The following EXOC6 variants were observed in gnomAD, a reference collection of about 807,000 sequenced individuals.
EXOC6 encodes exocyst complex component 6.
In EXOC6, 60 loss-of-function variants were observed where a neutral mutation model predicts 112.5. That is an observed-to-expected ratio of 0.53 (90% CI 0.43 to 0.66). EXOC6 has a LOEUF of 0.66. Ranked by LOEUF, EXOC6 falls within the 30% of genes least tolerant of loss-of-function variation. EXOC6 has a pLI of 0.00. For missense variants in EXOC6, 855 were observed against 957.1 expected (o/e 0.89, Z 1.41); for synonymous variants, 295 against 308.0 (o/e 0.96, Z 0.44).
chr10:93,053,162 C>T (rs1164284747), intron 20 of EXOC6, among the ~76,000 whole-genome samples: 1 of 152,146 alleles, frequency 6.6e-6, no homozygotes, highest in Non-Finnish European at 1.5e-5. Flanking sequence ...GGCAACACCC[C>T]AGTTTCCCCT....
At chr10:92,900,706 C>G (rs1418603418) in intron 5 of EXOC6, 2 of 149,960 alleles carry the variant, frequency 1.3e-5, no homozygotes, top group East Asian at 3.9e-4. Context: ...TCCCATTCAC[C>G]ATTCCTTCTT....
At chr10:92,848,354 C>G (rs1018723049), upstream of EXOC6, 6 of 234,686 alleles carry the variant, frequency 2.6e-5, no homozygotes, top group African/African-American at 1.4e-4. Context: ...CCCGCTCACT[C>G]CTGCAGGTGC....
Position 93,038,014 on chromosome 10 carries a change from T to C in EXOC6, c.2170-18910T>C, listed in dbSNP as rs576340148. Reference sequence around the variant, plus strand: ...GAGATCGCGCCACTGCACTCCAGCCTGGGCTACAGAGCGAGACTCCGTCTC... The same window carrying C: ...GAGATCGCGCCACTGCACTCCAGCCCGGGCTACAGAGCGAGACTCCGTCTC... On this transcript the variant is annotated intron_variant, in intron 20 of 21. Transcript: ENST00000260762. Among the ~76,000 whole-genome samples, 161 of 123,850 alleles carry C rather than the reference T, an allele frequency of 1.3e-3. 1 individual carries two copies. Among genetic ancestry groups the C allele is most frequent in the African/African-American group, 4.9e-3 (156 of 31,964 alleles). The allele number at this position is 123,850 out of a possible 152,430, so 81.3% of individuals were successfully genotyped here.
chr10:92,933,410 A>G (rs1852166707), intron 9 of EXOC6, among the ~76,000 whole-genome samples: 1 of 152,176 alleles, frequency 6.6e-6, no homozygotes. Context: ...TTGACTACAT[A>G]CTATGCTATA....
chr10:92,874,355 G>A (rs575423218), intron 1 of EXOC6, among the ~76,000 whole-genome samples: 5 of 152,238 alleles, frequency 3.3e-5, no homozygotes, highest in African/African-American at 9.6e-5. Flanking sequence ...GTCTAGTAAC[G>A]TAAACCATGT....
chr10:93,026,033 T>C (rs1390820169), intron 20 of EXOC6, among the ~76,000 whole-genome samples: 3 of 152,230 alleles, frequency 2.0e-5, no homozygotes, highest in African/African-American at 7.2e-5. Flanking sequence ...TTTTGCTCAT[T>C]GTCTTTGAAA....
intron 20 of EXOC6, among the ~76,000 whole-genome samples, chr10:93,030,268 C>G (rs1438570954): frequency 6.6e-6 from 1 of 151,798 alleles, no homozygotes; most frequent in East Asian, 1.9e-4. Flanking sequence ...GTCGCAGACT[C>G]CTGAGCTCAA....
chr10:93,011,548 C>T (rs969398765), intron 19 of EXOC6, among the ~76,000 whole-genome samples: 3 of 152,086 alleles, frequency 2.0e-5, no homozygotes, highest in Non-Finnish European at 2.9e-5. Context: ...AGGCATGAGC[C>T]ACCATGCCCA....
chr10:92,913,053 A>T (rs527496728), intron 6 of EXOC6, among the ~76,000 whole-genome samples: 1 of 152,310 alleles, frequency 6.6e-6, no homozygotes, highest in Admixed American at 6.5e-5. Context: ...TGGCAGTCCA[A>T]ACTGGCATTG....
chr10:93,021,506 A>G (rs559287629), intron 20 of EXOC6, among the ~76,000 whole-genome samples: 59 of 152,276 alleles, frequency 3.9e-4, no homozygotes, highest in African/African-American at 1.3e-3. Context: ...CTTTATCCCT[A>G]CAACTCTCAA....
chr10:92,939,222 AATAGAG>A (rs1442746134), intron 12 of EXOC6, among the ~76,000 whole-genome samples: 4 of 152,094 alleles, frequency 2.6e-5, no homozygotes, highest in African/African-American at 9.7e-5. Context: ...GAATCTGGGA[AATAGAG>A]ATGGTTGAAA....
chr10:92,971,031 G>T (rs138846204), intron 17 of EXOC6, among the ~76,000 whole-genome samples: 1 of 152,148 alleles, frequency 6.6e-6, no homozygotes, highest in Non-Finnish European at 1.5e-5. Flanking sequence ...GCTCAAATCT[G>T]CTGTTGAACT....
intron 4 of EXOC6, among the ~76,000 whole-genome samples, chr10:92,897,338 G>C (rs1849880673): frequency 6.6e-6 from 1 of 152,126 alleles, no homozygotes; most frequent in Non-Finnish European, 1.5e-5. Context: ...TCATCTTTCT[G>C]TCCTACTATC....
chr10:92,933,692 A>G (rs1031229146), intron 9 of EXOC6, among the ~76,000 whole-genome samples: 1 of 152,206 alleles, frequency 6.6e-6, no homozygotes, highest in Non-Finnish European at 1.5e-5. Flanking sequence ...ATTATAAACA[A>G]TAGGCAATCA....
intron 14 of EXOC6, among the ~76,000 whole-genome samples, chr10:92,951,288 G>C (rs1853396986): frequency 6.6e-6 from 1 of 152,072 alleles, no homozygotes; most frequent in African/African-American, 2.4e-5. Flanking sequence ...GATCATCCAA[G>C]AAAAGTATAT....
At chr10:92,896,147 G>A (rs866809499) in intron 4 of EXOC6, among the ~76,000 whole-genome samples, 1,082 of 24,462 alleles carry the variant, frequency 0.044, 134 homozygotes, top group Non-Finnish European at 0.049. Context: ...GTATGTATGT[G>A]TATATATATA....
At chr10:93,035,588 C>T (rs917860661) in intron 20 of EXOC6, among the ~76,000 whole-genome samples, 2 of 152,230 alleles carry the variant, frequency 1.3e-5, no homozygotes, top group Non-Finnish European at 2.9e-5. Context: ...GTCGTGGTGG[C>T]TCACGCCTGT....
intron 1 of EXOC6, among the ~76,000 whole-genome samples, chr10:92,851,898 T>A (rs537750737): frequency 5.3e-5 from 8 of 152,152 alleles, no homozygotes; most frequent in Admixed American, 1.3e-4. Context: ...TAATGAGACC[T>A]TGTCTCTACA....
At chr10:93,032,125 T>C (rs943348460) in intron 20 of EXOC6, among the ~76,000 whole-genome samples, 6 of 152,146 alleles carry the variant, frequency 3.9e-5, no homozygotes, top group Non-Finnish European at 8.8e-5. Flanking sequence ...TAACATAGAT[T>C]GCAGACTGGG....
Sources: gnomAD v4.1 joint callset for allele counts (sites outside exome capture counted in the v4.1 genomes callset) on GRCh38, gnomAD v4.1.1 for gene constraint, MANE v1.5 for transcripts, NCBI Gene and HGNC (gene_info 2026-07-23, HGNC 2026-07-21) for gene names.